The following PLG variants were observed in gnomAD, a reference collection of about 807,000 sequenced individuals.
PLG encodes plasminogen.
Under a neutral mutation model 104.4 loss-of-function variants are expected in PLG, and 41 were observed. The observed-to-expected ratio is 0.39, with a 90% CI of 0.31 to 0.51. The LOEUF (loss-of-function observed/expected upper bound fraction) is 0.51. Ranked by LOEUF, PLG falls within the 20% of genes least tolerant of loss-of-function variation. The probability of loss-of-function intolerance (pLI) is 0.76; values close to 1 mark genes in which losing one functional copy is unlikely to be tolerated. For missense variants in PLG, 891 were observed against 1,003.6 expected (o/e 0.89, Z 1.52); for synonymous variants, 337 against 357.1 (o/e 0.94, Z 0.63).
At chr6:160,730,738 GA>G (rs1381401015) in intron 10 of PLG, 6 of 304,144 alleles carry the variant, frequency 2.0e-5, no homozygotes, top group Non-Finnish European at 1.9e-5. Context: ...TTATTCCTGA[GA>G]AATGTATTTG....
chr6:160,720,562 A>G (rs926452771), intron 9 of PLG, among the ~76,000 whole-genome samples: 1 of 150,814 alleles, frequency 6.6e-6, no homozygotes, highest in Non-Finnish European at 1.5e-5. Flanking sequence ...TGGGACTACA[A>G]GCATGTGCCA....
At chr6:160,703,342 T>A (rs559989710) in intron 1 of PLG, among the ~76,000 whole-genome samples, 12 of 152,232 alleles carry the variant, frequency 7.9e-5, no homozygotes, top group African/African-American at 2.9e-4. Flanking sequence ...TCCAATGGAT[T>A]TCAAGATATT....
Position 160,734,664 on chromosome 6 carries a change from G to A in PLG, c.1681+576G>A, listed in dbSNP as rs765681885. The stretch of plus-strand genomic sequence containing the variant: ...CCTCATTGCTCTGAGACTCTTGTTG[G>A]GAGTATGAGGCTTGGATCAGGGGAA... On this transcript the variant is annotated intron_variant, in intron 13 of 18. Transcript: ENST00000308192. The surrounding 1 kb of genome is among the most constrained non-coding windows in gnomAD (Gnocchi z 4.4). 1.3e-5 allele frequency among the ~76,000 whole-genome samples: 2 copies of A among 151,594 alleles called. No homozygotes were observed. The highest frequency in any genetic ancestry group is 2.9e-5 in the Non-Finnish European group (2 of 67,950).
rs760815242 is a variant in PLG, at chr6:160,731,165, A to G, written c.1371A>G (p.Thr457=). The part of the protein sequence containing the change: ...EYCNLKKCSG[T]EASVVAPPPV... ...GCAACCTGAAAAAATGCTCAGGAACAGAAGCGAGTGTTGTAGCACCTCCGC... is the reference window on the plus strand; with the variant it reads ...GCAACCTGAAAAAATGCTCAGGAACGGAAGCGAGTGTTGTAGCACCTCCGC... Residue 457 remains threonine (T), a synonymous_variant, in exon 11 of 19, where the codon ACA becomes ACG. Transcript: ENST00000308192. The surrounding 1 kb of genome is among the most constrained non-coding windows in gnomAD (Gnocchi z 5.1). 4.0e-5 allele frequency: 64 copies of G among 1,614,032 alleles called. No homozygotes were observed. Among genetic ancestry groups the G allele is most frequent in the East Asian group, 1.1e-4 (5 of 44,878 alleles).
Position 160,739,834 on chromosome 6 carries a change from TAC to T in PLG, c.2018+628_2018+629del, listed in dbSNP as rs1177800236. ...TTCACAATGTCAAAAAAATCACAAA[TAC>T]AGTTTATAAATGTAAATTATATTAT... On this transcript the variant is annotated intron_variant, in intron 16 of 18. Coordinates refer to ENST00000308192, the MANE Select transcript of PLG (RefSeq NM_000301.5). The surrounding 1 kb of genome is among the most constrained non-coding windows in gnomAD (Gnocchi z 4.4). 2.0e-5 allele frequency among the ~76,000 whole-genome samples: 3 copies of T among 150,628 alleles called. No individual in the cohort carries two copies. Among genetic ancestry groups the T allele is most frequent in the Non-Finnish European group, 4.4e-5 (3 of 67,648 alleles).
intron 4 of PLG, among the ~76,000 whole-genome samples, chr6:160,712,569 G>A (rs1777663826): frequency 6.6e-6 from 1 of 152,204 alleles, no homozygotes; most frequent in Non-Finnish European, 1.5e-5. Flanking sequence ...GACTAAAAGA[G>A]AGAATGTGTG....
intron 2 of PLG, among the ~76,000 whole-genome samples, chr6:160,707,394 C>T (rs566368993): frequency 6.6e-6 from 1 of 152,124 alleles, no homozygotes; most frequent in Admixed American, 6.6e-5. Flanking sequence ...ACCAGAGTTG[C>T]TTCTTTCCAA....
At chr6:160,706,812 C>T (rs1163734204) in intron 2 of PLG, among the ~76,000 whole-genome samples, 1 of 152,132 alleles carries the variant, frequency 6.6e-6, no homozygotes, top group African/African-American at 2.4e-5. Flanking sequence ...CAGTTTTCAA[C>T]ATCATCATCA....
At chr6:160,713,604 A>G (rs1299247621) in intron 5 of PLG, among the ~76,000 whole-genome samples, 6 of 152,228 alleles carry the variant, frequency 3.9e-5, no homozygotes, top group Non-Finnish European at 8.8e-5. Flanking sequence ...TTACATCAAC[A>G]TGTACAAATA....
chr6:160,707,887 T>C (rs563918809), intron 3 of PLG, 81 bp downstream of exon 3: 1 of 1,119,438 alleles, frequency 8.9e-7, no homozygotes, highest in Admixed American at 1.7e-5. Context: ...ATCTTTAATT[T>C]ATAAGACCAG....
chr6:160,748,359 A>G (rs1280038453), intron 17 of PLG, among the ~76,000 whole-genome samples: 1 of 32,950 alleles, frequency 3.0e-5, no homozygotes, highest in Non-Finnish European at 6.0e-5. Context: ...AGAGAAAGAA[A>G]GAAAGAAAGA....
At chr6:160,705,556 G>T (rs1375851754) in intron 1 of PLG, 1 of 152,200 alleles carries the variant, frequency 6.6e-6, no homozygotes, top group Non-Finnish European at 1.5e-5. Flanking sequence ...GGCCTTCTTT[G>T]TTGGGGAGCT....
At chr6:160,704,934 C>A (rs1777489531) in intron 1 of PLG, among the ~76,000 whole-genome samples, 1 of 152,176 alleles carries the variant, frequency 6.6e-6, no homozygotes, top group Non-Finnish European at 1.5e-5. Flanking sequence ...GCATACAAAC[C>A]AATGCGCTCT....
At position 160,732,473 on chromosome 6, in the gene PLG, A is replaced by T. The variant is rs1308318548; in HGVS notation, c.1587+580A>T. On this transcript the variant is annotated intron_variant, in intron 12 of 18. Transcript: ENST00000308192. This position sits in a 1 kb window ranked among gnomAD's most constrained non-coding sequence, Gnocchi z 4.5. ...CACACCCCAAGCGAGTCTCCAGCAG[A>T]TACCAGCTGGGTGTCCTACAATGTA... is the stretch of plus-strand genomic sequence containing the variant. Among the ~76,000 whole-genome samples the T allele has an allele frequency of 1.3e-5, 2 of 152,146 alleles. No homozygotes were observed. The highest frequency in any genetic ancestry group is 4.8e-5 in the African/African-American group (2 of 41,426).
At position 160,718,908 on chromosome 6, in the gene PLG, T is replaced by C; in HGVS notation, c.1096+70T>C. 4 of 1,299,282 alleles carry C rather than the reference T, an allele frequency of 3.1e-6. No homozygotes were observed. In the South Asian group the frequency reaches 4.7e-5, roughly 15 times the overall value. The allele number at this position is 1,299,282 out of a possible 1,614,324, so 80.5% of individuals were successfully genotyped here. On this transcript the variant is annotated intron_variant, in intron 9 of 18. Coordinates refer to ENST00000308192, the MANE Select transcript of PLG (RefSeq NM_000301.5). ...TTATTTTTGTATACCAGTGGCATCATCACAATATACAGTAGCTTTGTAAGT... is the reference window on the plus strand; with the variant it reads ...TTATTTTTGTATACCAGTGGCATCACCACAATATACAGTAGCTTTGTAAGT...
Position 160,736,889 on chromosome 6 carries a change from G to C in PLG, c.1684G>C (p.Ala562Pro). 1 of 1,613,780 alleles carries C rather than the reference G, an allele frequency of 6.2e-7. No homozygotes were observed. The highest frequency in any genetic ancestry group is 1.1e-5 in the South Asian group (1 of 91,072). Residue 562 changes from alanine (A) to proline (P), a missense_variant and splice_region_variant, in exon 14 of 19, where the codon GCC becomes CCC. Ala to Pro is a conservative substitution (Grantham distance 27). Coordinates refer to ENST00000308192, the MANE Select transcript of PLG (RefSeq NM_000301.5). This position sits in a 1 kb window ranked among gnomAD's most constrained non-coding sequence, Gnocchi z 5.2. Reference protein sequence around the residue: ...YDYCDVPQCAAPSFDCGKPQV... With the variant: ...YDYCDVPQCAPPSFDCGKPQV... ...TTCTTTCCCACCTTGTGCCACAGCGGCCCCTTCATTTGATTGTGGGAAGCC... is the reference window on the plus strand; with the variant it reads ...TTCTTTCCCACCTTGTGCCACAGCGCCCCCTTCATTTGATTGTGGGAAGCC...
chr6:160,748,446 AGGGAGGG>A, intron 17 of PLG, among the ~76,000 whole-genome samples: 2 of 5,868 alleles, frequency 3.4e-4, no homozygotes, highest in Non-Finnish European at 5.4e-4. Flanking sequence ...GAAAGAAGGG[AGGGAGGG>A]AGGGAGGGAG....
In PLG at chr6:160,731,157, T is replaced by C. The variant is rs762405404; in HGVS notation, c.1363T>C (p.Ser455Pro). The C allele has an allele frequency of 1.2e-6, 2 of 1,614,000 alleles. No individual in the cohort carries two copies. The highest frequency in any genetic ancestry group is 2.7e-5 in the African/African-American group (2 of 74,906). The change falls in exon 11 of 19, where the codon TCA becomes CCA. Residue 455 changes from serine to proline, a missense_variant. Ser to Pro is a moderately conservative substitution (Grantham distance 74). This residue lies in a region of PLG where 854 missense variants were observed against 932.1 expected (regional missense o/e 0.92). Coordinates refer to ENST00000308192, the MANE Select transcript of PLG (RefSeq NM_000301.5). This position sits in a 1 kb window ranked among gnomAD's most constrained non-coding sequence, Gnocchi z 5.1. The stretch of plus-strand genomic sequence containing the variant: ...GGAGTACTGCAACCTGAAAAAATGC[T>C]CAGGAACAGAAGCGAGTGTTGTAGC... ...RWEYCNLKKCSGTEASVVAPP... is the reference protein window; with the variant it reads ...RWEYCNLKKCPGTEASVVAPP...
intron 10 of PLG, among the ~76,000 whole-genome samples, chr6:160,728,467 A>T (rs189543583): frequency 1.8e-4 from 6 of 33,552 alleles, no homozygotes; most frequent in Admixed American, 1.5e-3. Context: ...ATATTTAAAG[A>T]GAAGAAAAAA....
Sources: allele counts gnomAD v4.1 joint callset (sites outside exome capture counted in the v4.1 genomes callset), GRCh38; gene constraint gnomAD v4.1.1; regional missense constraint gnomAD v4.1.1; non-coding constraint Gnocchi (gnomAD v3.1); transcripts MANE v1.5; gene names NCBI Gene and HGNC (gene_info 2026-07-23, HGNC 2026-07-21).